MCM9: variants seen among roughly 807,000 people sequenced by gnomAD.
MCM9 encodes DNA helicase MCM9.
MCM9 carries 55 observed loss-of-function variants against 72.8 expected under a neutral mutation model. That is an observed-to-expected ratio of 0.76 (90% CI 0.61 to 0.95). The LOEUF (loss-of-function observed/expected upper bound fraction) is 0.95. MCM9 is among the 40% of genes least tolerant of loss of function. MCM9 has a pLI of 0.00. For synonymous variants in MCM9, 480 were observed against 503.4 expected (o/e 0.95, Z 0.62); for missense variants, 1,279 against 1,377.0 (o/e 0.93, Z 1.13).
At chr6:118,846,325 A>G (rs1775859670) in intron 9 of MCM9, among the ~76,000 whole-genome samples, 1 of 151,928 alleles carries the variant, frequency 6.6e-6, no homozygotes, top group Admixed American at 6.6e-5. Context: ...AATAAACACC[A>G]GAAACCAGCA....
At chr6:118,930,893 G>T (rs1317871778) in intron 3 of MCM9, among the ~76,000 whole-genome samples, 1 of 152,230 alleles carries the variant, frequency 6.6e-6, no homozygotes, top group African/African-American at 2.4e-5. Flanking sequence ...CAAGGATACA[G>T]CTTTGCCACC....
intron 9 of MCM9, among the ~76,000 whole-genome samples, chr6:118,839,500 G>A (rs1775202916): frequency 6.6e-6 from 1 of 152,038 alleles, no homozygotes; most frequent in African/African-American, 2.4e-5. Context: ...AATTTGAAGA[G>A]GCGTTCTGGT....
intron 9 of MCM9, among the ~76,000 whole-genome samples, chr6:118,852,231 T>C (rs886953454): frequency 1.3e-5 from 2 of 152,184 alleles, no homozygotes; most frequent in Non-Finnish European, 2.9e-5. Flanking sequence ...ATCATATATG[T>C]GGTCCATCAC....
chr6:118,877,336 C>T (rs1778000474), intron 8 of MCM9, among the ~76,000 whole-genome samples: 1 of 152,090 alleles, frequency 6.6e-6, no homozygotes, highest in East Asian at 1.9e-4. Context: ...TACTACATAA[C>T]CTAGCCAAGA....
At chr6:118,897,027 C>T (rs1282918773) in intron 8 of MCM9, among the ~76,000 whole-genome samples, 2 of 151,922 alleles carry the variant, frequency 1.3e-5, no homozygotes, top group African/African-American at 2.4e-5. Flanking sequence ...TTTGTAGAGA[C>T]GGAGTTTTGC....
intron 8 of MCM9, among the ~76,000 whole-genome samples, chr6:118,884,367 G>A (rs1778471254): frequency 6.6e-6 from 1 of 151,964 alleles, no homozygotes; most frequent in Non-Finnish European, 1.5e-5. Flanking sequence ...GTCTACATCT[G>A]AAACACTGAT....
At chr6:118,830,968 C>T (rs1271716805) in intron 9 of MCM9, among the ~76,000 whole-genome samples, 3 of 152,264 alleles carry the variant, frequency 2.0e-5, no homozygotes, top group Middle Eastern at 3.4e-3. Context: ...GGAGAAACTT[C>T]GGTGGGGACA....
Position 118,816,152 on chromosome 6 carries a change from A to C in MCM9, c.2104T>G (p.Phe702Val). 6.4e-7 allele frequency: 1 copy of C among 1,550,482 alleles called. No homozygotes were observed. Among genetic ancestry groups the C allele is most frequent in the Non-Finnish European group, 8.7e-7 (1 of 1,146,938 alleles). Residue 702 changes from phenylalanine (F) to valine (V), a missense_variant, in exon 14 of 14, where the codon TTC becomes GTC. Physicochemically the swap from Phe to Val is conservative, Grantham distance 50 (BLOSUM62 -1). Coordinates refer to ENST00000619706, the MANE Select transcript of MCM9 (RefSeq NM_017696.3). ...QQEINYSTHI[F>V]SPGGSPEGSP... The stretch of plus-strand genomic sequence containing the variant: ...CCCTCGGGGCTGCCTCCAGGAGAGA[A>C]GATATGTGTGCTATAGTTGATTTCC...
intron 1 of MCM9, among the ~76,000 whole-genome samples, chr6:118,933,631 G>A (rs1782637077): frequency 6.6e-6 from 1 of 152,102 alleles, no homozygotes; most frequent in Non-Finnish European, 1.5e-5. Flanking sequence ...CTACAAATAC[G>A]AATATTAAAG....
At chr6:118,861,674 A>G (rs36131254) in intron 8 of MCM9, among the ~76,000 whole-genome samples, 131,796 of 152,218 alleles carry the variant, frequency 0.87, 57,225 homozygotes, top group East Asian at 0.96. Context: ...GAGTGTGTGC[A>G]TCTGGCTGGG....
chr6:118,890,515 C>T (rs142100899), intron 8 of MCM9, among the ~76,000 whole-genome samples: 2,422 of 152,280 alleles, frequency 0.016, 36 homozygotes, highest in Non-Finnish European at 0.023. Flanking sequence ...CTTTCTATTT[C>T]GCATCATACT....
chr6:118,885,030 A>C (rs1778512886), intron 8 of MCM9, among the ~76,000 whole-genome samples: 1 of 152,072 alleles, frequency 6.6e-6, no homozygotes, highest in African/African-American at 2.4e-5. Flanking sequence ...CCCCATCTCT[A>C]CTAAAAATAC....
intron 9 of MCM9, among the ~76,000 whole-genome samples, chr6:118,836,972 T>C (rs992787566): frequency 6.6e-6 from 1 of 152,178 alleles, no homozygotes; most frequent in African/African-American, 2.4e-5. Flanking sequence ...GTTGGGGTGC[T>C]GAATTTAGAT....
rs1781085208 is a variant in MCM9, at chr6:118,917,771, A to C, written c.704-10T>G. The C allele has an allele frequency of 6.2e-7, 1 of 1,613,338 alleles. No individual in the cohort carries two copies. The highest frequency in any genetic ancestry group is 1.3e-5 in the African/African-American group (1 of 75,034). Reference sequence around the variant, plus strand: ...ATAGTGAGGTCATCACCTAGGAAAAAGCATCAAGTGAGTCCAGCAGTAGCA... The same window carrying C: ...ATAGTGAGGTCATCACCTAGGAAAACGCATCAAGTGAGTCCAGCAGTAGCA... On this transcript the variant is annotated splice_polypyrimidine_tract_variant and intron_variant, in intron 5 of 13. Transcript: ENST00000619706.
At chr6:118,847,317 T>C (rs2114647452) in intron 9 of MCM9, among the ~76,000 whole-genome samples, 1 of 149,242 alleles carries the variant, frequency 6.7e-6, no homozygotes. Flanking sequence ...TGGACAAGGG[T>C]TGAAAAACTA....
intron 13 of MCM9, among the ~76,000 whole-genome samples, chr6:118,825,275 T>C (rs1774090118): frequency 6.6e-6 from 1 of 152,212 alleles, no homozygotes; most frequent in South Asian, 2.1e-4. Flanking sequence ...GGGCGAATTT[T>C]ATACAAAGTG....
intron 8 of MCM9, 30 bp from the exon 9 acceptor site, chr6:118,856,575 T>G: frequency 1.3e-6 from 2 of 1,534,378 alleles, no homozygotes; most frequent in Non-Finnish European, 1.7e-6. Flanking sequence ...ATATCAACTT[T>G]TATTTTCAAA....
intron 8 of MCM9, chr6:118,894,628 CCGCGGGCT>C: frequency 1.0e-6 from 1 of 1,000,646 alleles, no homozygotes; most frequent in Non-Finnish European, 1.5e-6. Flanking sequence ...CGCCTGGCGG[CCGCGGGCT>C]GCTCTGCGGA....
chr6:118,915,649 T>C (rs1385750653), intron 6 of MCM9, among the ~76,000 whole-genome samples: 2 of 152,084 alleles, frequency 1.3e-5, no homozygotes, highest in African/African-American at 4.8e-5. Context: ...TTCTGTTGGA[T>C]ACAGCTTCCC....
Sources: gnomAD v4.1 joint callset for allele counts (sites outside exome capture counted in the v4.1 genomes callset) on GRCh38, gnomAD v4.1.1 for gene constraint, MANE v1.5 for transcripts, NCBI Gene and HGNC (gene_info 2026-07-23, HGNC 2026-07-21) for gene names.